VIL1: variants seen among roughly 807,000 people sequenced by gnomAD.
VIL1 encodes the protein villin-1.
In VIL1, 86 loss-of-function variants were observed where a neutral mutation model predicts 104.0. That is an observed-to-expected ratio of 0.83 (90% CI 0.69 to 0.99). The LOEUF is 0.99. Ranked by LOEUF, VIL1 falls within the 50% of genes least tolerant of loss-of-function variation. The pLI is 0.00. For synonymous variants in VIL1, 394 were observed against 412.6 expected, an observed-to-expected ratio of 0.95 and a Z score of 0.55; for missense variants, 944 against 1,054.1, an observed-to-expected ratio of 0.90 and a Z score of 1.45.
At position 218,434,671 on chromosome 2, in the gene VIL1, A is replaced by G; in HGVS notation, c.1646A>G (p.Lys549Arg). 1 of 1,614,100 alleles carries G rather than the reference A, an allele frequency of 6.2e-7. No individual in the cohort carries two copies. Among genetic ancestry groups the G allele is most frequent in the Non-Finnish European group, 8.5e-7 (1 of 1,179,972 alleles). The change falls in exon 14 of 20, where the codon AAG (lysine) becomes AGG (arginine). Residue 549 changes from lysine (K) to arginine (R), a missense_variant. By Grantham distance (26) the Lys-to-Arg change is conservative (BLOSUM62 2). Transcript: ENST00000248444. ...AATTCCAATGATGTCTTTGTCCTCA[A>G]GACCCAGTCTTGCTGCTATCTATGG... ...FLNSNDVFVL[K>R]TQSCCYLWCG...
In VIL1 at chr2:218,435,502, C is replaced by T. The variant is rs73074832; in HGVS notation, c.1826+68C>T. ...GAGCCGCCCAGCATCTCCATCCCTA[C>T]ACCCAGAGCCTACAGCAGGCATGGA... On this transcript the variant is annotated intron_variant, in intron 15 of 19. Coordinates refer to ENST00000248444, the MANE Select transcript of VIL1 (RefSeq NM_007127.3). 1.6e-3 allele frequency: 2,423 copies of T among 1,562,286 alleles called. 35 individuals carry two copies. The African/African-American group carries it at 0.026, about 17-fold the overall frequency.
chr2:218,434,694 T>C lies in VIL1; in HGVS notation c.1669T>C (p.Trp557Arg), dbSNP rs1285647604. ...CAAGACCCAGTCTTGCTGCTATCTA[T>C]GGTGTGGGAAGGTGTGTTCAGGGTC... Reference protein sequence around the residue: ...VLKTQSCCYLWCGKGCSGDER... With the variant: ...VLKTQSCCYLRCGKGCSGDER... The change falls in exon 14 of 20, where the codon TGG (tryptophan) becomes CGG (arginine). Residue 557 changes from tryptophan to arginine, a missense_variant. Coordinates refer to ENST00000248444, the MANE Select transcript of VIL1 (RefSeq NM_007127.3). 1 of 1,613,226 alleles carries C rather than the reference T, an allele frequency of 6.2e-7. No homozygotes were observed. The highest frequency in any genetic ancestry group is 1.7e-5 in the Admixed American group (1 of 59,908).
chr2:218,434,700 G>A lies in VIL1; in HGVS notation c.1675G>A (p.Gly559Arg), dbSNP rs752476202. The A allele has an allele frequency of 6.2e-7, 1 of 1,612,458 alleles. No individual in the cohort carries two copies. Among genetic ancestry groups the A allele is most frequent in the South Asian group, 1.1e-5 (1 of 90,784 alleles). Reference protein sequence around the residue: ...KTQSCCYLWCGKGCSGDEREM... With the variant: ...KTQSCCYLWCRKGCSGDEREM... ...CCAGTCTTGCTGCTATCTATGGTGT[G>A]GGAAGGTGTGTTCAGGGTCTAGAGG... Residue 559 changes from glycine (G) to arginine (R), a missense_variant, in exon 14 of 20, where the codon GGG becomes AGG. By Grantham distance (125) the Gly-to-Arg change is moderately radical. Coordinates refer to ENST00000248444, the MANE Select transcript of VIL1 (RefSeq NM_007127.3).
intron 3 of VIL1, among the ~76,000 whole-genome samples, chr2:218,424,675 C>T (rs574807690): frequency 2.3e-4 from 35 of 151,928 alleles, no homozygotes; most frequent in Admixed American, 2.0e-3. Context: ...AATTTTTTTC[C>T]GGATGGAGTC....
intron 1 of VIL1, among the ~76,000 whole-genome samples, chr2:218,422,738 A>G (rs1688919359): frequency 6.6e-6 from 1 of 152,214 alleles, no homozygotes; most frequent in Admixed American, 6.5e-5. Context: ...TGTCGGCCAC[A>G]TGCCCTCTCA....
Position 218,423,756 on chromosome 2 carries a change from C to T in VIL1, c.-11-12C>T. On this transcript the variant is annotated splice_polypyrimidine_tract_variant and intron_variant, in intron 1 of 19. Coordinates refer to ENST00000248444, the MANE Select transcript of VIL1 (RefSeq NM_007127.3). The stretch of plus-strand genomic sequence containing the variant: ...CTCAGGGTGCCCCTGCTCCCAACGC[C>T]TTCTCCCCCAGGCTCACTCACCATG... 6.2e-7 allele frequency: 1 copy of T among 1,613,966 alleles called. No individual in the cohort carries two copies. The highest frequency in any genetic ancestry group is 8.5e-7 in the Non-Finnish European group (1 of 1,179,898).
intron 15 of VIL1, 39 bp downstream of exon 15, chr2:218,435,473 G>T (rs370851378): frequency 1.9e-6 from 3 of 1,602,158 alleles, no homozygotes; most frequent in Non-Finnish European, 2.6e-6. Flanking sequence ...TTACCAAGGT[G>T]GGGGAGCCGC....
intron 16 of VIL1, 37 bp from the exon 17 acceptor site, chr2:218,437,087 C>T (rs1689204066): frequency 1.9e-6 from 3 of 1,600,020 alleles, no homozygotes; most frequent in Non-Finnish European, 2.6e-6. Flanking sequence ...CCAGGGAGGA[C>T]AGGAAGGATG....
intron 19 of VIL1, among the ~76,000 whole-genome samples, chr2:218,448,969 C>T (rs989377282): frequency 6.6e-6 from 1 of 151,090 alleles, no homozygotes; most frequent in African/African-American, 2.4e-5. Context: ...CATGCCACTA[C>T]ACTCCAGCCT....
chr2:218,448,600 A>C (rs1166201534), intron 19 of VIL1, among the ~76,000 whole-genome samples: 1 of 152,062 alleles, frequency 6.6e-6, no homozygotes, highest in East Asian at 1.9e-4. Context: ...ATAGAGAGGA[A>C]ACTAAGGCTT....
Position 218,424,358 on chromosome 2 carries a change from CA to C in VIL1, c.150+8del, listed in dbSNP as rs1184371113. Reference sequence around the variant, plus strand: ...CTGCTACATCATCCTGGCTGTGAGTCAGGGGCAGGGGAGGGGGCTGAGCAGA... The same window carrying C: ...CTGCTACATCATCCTGGCTGTGAGTCGGGGCAGGGGAGGGGGCTGAGCAGA... On this transcript the variant is annotated splice_region_variant and intron_variant, in intron 3 of 19. Coordinates refer to ENST00000248444, the MANE Select transcript of VIL1 (RefSeq NM_007127.3). 1 of 1,613,552 alleles carries C rather than the reference CA, an allele frequency of 6.2e-7. No homozygotes were observed. The highest frequency in any genetic ancestry group is 1.1e-5 in the South Asian group (1 of 91,066).
At position 218,425,691 on chromosome 2, in the gene VIL1, G is replaced by A; in HGVS notation, c.227G>A (p.Gly76Glu). The A allele has an allele frequency of 1.9e-6, 3 of 1,613,884 alleles. No homozygotes were observed. The highest frequency in any genetic ancestry group is 2.5e-6 in the Non-Finnish European group (3 of 1,179,918). ...CAGGACTCATCCCTGGATGAGCAGG[G>A]GGCAGCTGCCATCTACACCACACAG... Reference protein sequence around the residue: ...IGQDSSLDEQGAAAIYTTQMD... With the variant: ...IGQDSSLDEQEAAAIYTTQMD... Residue 76 changes from glycine (G) to glutamate (E), a missense_variant, in exon 4 of 20, where the codon GGG becomes GAG. By Grantham distance (98) the Gly-to-Glu change is moderately conservative. Transcript: ENST00000248444.
rs776968469 is a variant in VIL1, at chr2:218,425,589, G to C, written c.151-26G>C. ...AGGGGCTGTGGGAGCCCAGGGTCTC[G>C]GGTACACTGGACACCTTTTCCCTAG... On this transcript the variant is annotated intron_variant, in intron 3 of 19. Transcript: ENST00000248444. The C allele has an allele frequency of 1.9e-6, 3 of 1,611,432 alleles. No individual in the cohort carries two copies. The African/African-American group carries it at 4.0e-5, about 22-fold the overall frequency.
chr2:218,445,150 G>A (rs893447866), intron 19 of VIL1, among the ~76,000 whole-genome samples: 2 of 152,022 alleles, frequency 1.3e-5, no homozygotes, highest in African/African-American at 2.4e-5. Context: ...TGTAATCCCA[G>A]GCACTTTGGG....
rs749328127 is a variant in VIL1 at position 218,432,135 on chromosome 2, C to T, written c.1293C>T (p.Tyr431=). ...GGGGCGACTGCTACCTGCTGCTCTA[C>T]ACCTACCTCATCGGCGAGAAGCAGC... ...FYGGDCYLLL[Y]TYLIGEKQHY... is the part of the protein sequence containing the mutation. The change falls in exon 12 of 20, where the codon TAC becomes TAT. Residue 431 remains tyrosine, a synonymous_variant. Transcript: ENST00000248444. 2 of 1,614,078 alleles carry T rather than the reference C, an allele frequency of 1.2e-6. No homozygotes were observed. Among genetic ancestry groups the T allele is most frequent in the African/African-American group, 1.3e-5 (1 of 75,044 alleles).
rs71064450 is a variant in VIL1, at chr2:218,446,760, CTTTTTT to C, written c.2371-2447_2371-2442del. Among the ~76,000 whole-genome samples, 167 of 125,514 alleles carry C rather than the reference CTTTTTT, an allele frequency of 1.3e-3. 2 individuals are homozygous for C. Among genetic ancestry groups the C allele is most frequent in the South Asian group, 0.013 (57 of 4,428 alleles). The allele number at this position is 125,514 out of a possible 152,430, so 82.3% of individuals were successfully genotyped here. On this transcript the variant is annotated intron_variant, in intron 19 of 19. Coordinates refer to ENST00000248444, the MANE Select transcript of VIL1 (RefSeq NM_007127.3). ...ATATGTTGTAATCAAGTGACCTTGA[CTTTTTT>C]TTTTTTTTTTTTTTTGAGACAGAGT...
intron 4 of VIL1, among the ~76,000 whole-genome samples, chr2:218,426,790 G>C (rs1327806247): frequency 6.6e-6 from 1 of 151,802 alleles, no homozygotes; most frequent in East Asian, 1.9e-4. Flanking sequence ...TTTTAGTAGA[G>C]ACAGGGTTTC....
At chr2:218,428,643 CTG>C (rs1351871378) in intron 6 of VIL1, among the ~76,000 whole-genome samples, 4 of 152,050 alleles carry the variant, frequency 2.6e-5, no homozygotes, top group African/African-American at 7.2e-5. Context: ...TGTGTGTGCA[CTG>C]TGAGACTGCA....
At chr2:218,425,257 T>C (rs1688959665) in intron 3 of VIL1, among the ~76,000 whole-genome samples, 1 of 151,970 alleles carries the variant, frequency 6.6e-6, no homozygotes, top group Non-Finnish European at 1.5e-5. Context: ...ATTTTTGTAT[T>C]TTTAGTAAAG....
Sources: allele counts gnomAD v4.1 joint callset (sites outside exome capture counted in the v4.1 genomes callset), GRCh38; gene constraint gnomAD v4.1.1; transcripts MANE v1.5; gene names NCBI Gene and HGNC (gene_info 2026-07-23, HGNC 2026-07-21).